ADARB2: variants seen among roughly 807,000 people sequenced by gnomAD.
ADARB2 encodes the protein adenosine deaminase RNA specific B2 (inactive).
In ADARB2, 25 loss-of-function variants were observed where a neutral mutation model predicts 62.2. The ratio of observed to expected loss-of-function variants is 0.40; its 90% CI spans 0.29 to 0.56. The LOEUF (loss-of-function observed/expected upper bound fraction) is 0.56. ADARB2 is among the 20% of genes least tolerant of loss of function. The probability of loss-of-function intolerance (pLI) is 0.43; values close to 1 mark genes in which losing one functional copy is unlikely to be tolerated. For synonymous variants in ADARB2, 572 were observed against 500.8 expected (o/e 1.14, Z -1.90); for missense variants, 1,071 against 1,077.4 (o/e 0.99, Z 0.08).
At chr10:1,306,186 A>C (rs1831626160) in intron 3 of ADARB2, among the ~76,000 whole-genome samples, 1 of 151,194 alleles carries the variant, frequency 6.6e-6, no homozygotes, top group South Asian at 2.1e-4. Flanking sequence ...AAATCTCCTT[A>C]AGCTGATAAG....
intron 1 of ADARB2, among the ~76,000 whole-genome samples, chr10:1,572,841 G>T (rs1264883851): frequency 6.6e-6 from 1 of 152,162 alleles, no homozygotes; most frequent in African/African-American, 2.4e-5. Context: ...GGTGCTTCTG[G>T]GCCCCCAAAT....
intron 1 of ADARB2, among the ~76,000 whole-genome samples, chr10:1,715,400 T>C (rs1178465448): frequency 1.3e-5 from 2 of 152,244 alleles, no homozygotes; most frequent in Non-Finnish European, 2.9e-5. Flanking sequence ...TAAGTGTGTT[T>C]TTAATATTTG....
At chr10:1,613,910 T>G (rs1332328453) in intron 1 of ADARB2, among the ~76,000 whole-genome samples, 1 of 152,234 alleles carries the variant, frequency 6.6e-6, no homozygotes, top group African/African-American at 2.4e-5. Flanking sequence ...TTGATTACTA[T>G]AGAGTACAAA....
intron 1 of ADARB2, among the ~76,000 whole-genome samples, chr10:1,516,298 G>T (rs1465848057): frequency 1.3e-5 from 2 of 152,180 alleles, no homozygotes; most frequent in East Asian, 3.8e-4. Context: ...ATGGAGGCCG[G>T]CAGGTGAGCT....
chr10:1,690,365 C>T (rs952252776), intron 1 of ADARB2, among the ~76,000 whole-genome samples: 4 of 152,096 alleles, frequency 2.6e-5, no homozygotes, highest in South Asian at 4.1e-4. Context: ...TACAAGTTGT[C>T]GTGTGTGGGT....
chr10:1,393,745 G>A (rs541654516), intron 1 of ADARB2, among the ~76,000 whole-genome samples: 1 of 152,354 alleles, frequency 6.6e-6, no homozygotes, highest in South Asian at 2.1e-4. Context: ...AGATTGTTCT[G>A]TGTGCCCTTC....
At chr10:1,363,986 TC>T (rs1372913247) in intron 2 of ADARB2, 69 bp from the exon 3 acceptor site, 104 of 1,396,764 alleles carry the variant, frequency 7.4e-5, no homozygotes, top group Non-Finnish European at 9.1e-5. Flanking sequence ...CAGCAGGCAC[TC>T]CCTGAGGGTC....
intron 1 of ADARB2, among the ~76,000 whole-genome samples, chr10:1,506,240 T>A (rs1225084915): frequency 1.3e-5 from 2 of 152,190 alleles, no homozygotes; most frequent in African/African-American, 4.8e-5. Context: ...TATAAAAGTT[T>A]GAATTTTGTC....
chr10:1,600,256 T>G (rs577821861), intron 1 of ADARB2, among the ~76,000 whole-genome samples: 11 of 152,262 alleles, frequency 7.2e-5, no homozygotes, highest in Middle Eastern at 3.4e-3. Flanking sequence ...TGCTGAGGCC[T>G]GGCTACACTT....
chr10:1,286,511 C>T (rs910373939), intron 3 of ADARB2, among the ~76,000 whole-genome samples: 1 of 152,140 alleles, frequency 6.6e-6, no homozygotes, highest in Non-Finnish European at 1.5e-5. Context: ...TACCTAAAGG[C>T]GGATGGCAAA....
At chr10:1,563,547 G>A (rs1013259887) in intron 1 of ADARB2, among the ~76,000 whole-genome samples, 4 of 152,218 alleles carry the variant, frequency 2.6e-5, no homozygotes, top group Non-Finnish European at 5.9e-5. Context: ...TACTATAATC[G>A]CGCCAGTTTA....
At chr10:1,688,744 A>G (rs77027562) in intron 1 of ADARB2, among the ~76,000 whole-genome samples, 4,276 of 152,242 alleles carry the variant, frequency 0.028, 79 homozygotes, top group East Asian at 0.084. Context: ...TTGAGAGGGG[A>G]ATGGTGACTT....
At chr10:1,495,215 T>C (rs1831670967) in intron 1 of ADARB2, among the ~76,000 whole-genome samples, 1 of 152,322 alleles carries the variant, frequency 6.6e-6, no homozygotes, top group African/African-American at 2.4e-5. Flanking sequence ...GAATATTTCT[T>C]CCATTAAAGC....
At position 1,232,601 on chromosome 10, in the gene ADARB2, GTA is replaced by G. The variant is rs1240781432; in HGVS notation, c.1513+1091_1513+1092del. On this transcript the variant is annotated intron_variant, in intron 6 of 9. Transcript: ENST00000381312. ...GTGTGGTATGCATGTGGTATATGTG[GTA>G]TGTGTTTGTGGTATATGATGTGTGT... Among the ~76,000 whole-genome samples the G allele has an allele frequency of 3.4e-5, 5 of 146,286 alleles. 1 individual carries two copies. Among genetic ancestry groups the G allele is most frequent in the African/African-American group, 1.3e-4 (5 of 39,564 alleles).
In ADARB2 at chr10:1,210,848, G is replaced by A. The variant is rs572949998; in HGVS notation, c.1682+6103C>T. On this transcript the variant is annotated intron_variant, in intron 7 of 9. Coordinates refer to ENST00000381312, the MANE Select transcript of ADARB2 (RefSeq NM_018702.4). ...GGAAGCAGCCCCTTCCCGCGCTGGGGCCTCCCCGTGGTGTAGACGTCTCCT... is the reference window on the plus strand; with the variant it reads ...GGAAGCAGCCCCTTCCCGCGCTGGGACCTCCCCGTGGTGTAGACGTCTCCT... Among the ~76,000 whole-genome samples the A allele has an allele frequency of 1.6e-4, 24 of 152,284 alleles. 1 individual carries two copies. The South Asian group carries it at 4.6e-3, about 29-fold the overall frequency.
Position 1,426,128 on chromosome 10 carries a change from C to A in ADARB2, c.101-46968G>T, listed in dbSNP as rs1214927828. Reference sequence around the variant, plus strand: ...TGATCTATAATGACACAACAAAACTCATATAGAGAAGGGGAATCAAGATCT... The same window carrying A: ...TGATCTATAATGACACAACAAAACTAATATAGAGAAGGGGAATCAAGATCT... On this transcript the variant is annotated intron_variant, in intron 1 of 9. Transcript: ENST00000381312. This position sits in a 1 kb window ranked among gnomAD's most constrained non-coding sequence, Gnocchi z 4.1. Among the ~76,000 whole-genome samples, 1 of 152,142 alleles carries A rather than the reference C, an allele frequency of 6.6e-6. No individual in the cohort carries two copies. Among genetic ancestry groups the A allele is most frequent in the Non-Finnish European group, 1.5e-5 (1 of 68,030 alleles).
Position 1,268,985 on chromosome 10 carries a change from T to C in ADARB2, c.1192+1970A>G, listed in dbSNP as rs141619376. ...TGTTTCCCAGAAAGATGGAAAGATA[T>C]TGAGTTCCAGCGCTGAGAAATGCTA... On this transcript the variant is annotated intron_variant, in intron 4 of 9. Coordinates refer to ENST00000381312, the MANE Select transcript of ADARB2 (RefSeq NM_018702.4). Among the ~76,000 whole-genome samples the C allele has an allele frequency of 2.1e-3, 314 of 152,328 alleles. 2 individuals are homozygous for C. The highest frequency in any genetic ancestry group is 7.2e-3 in the African/African-American group (301 of 41,562).
chr10:1,494,818 C>T (rs765759716), intron 1 of ADARB2, among the ~76,000 whole-genome samples: 2 of 152,188 alleles, frequency 1.3e-5, no homozygotes, highest in Non-Finnish European at 2.9e-5. Flanking sequence ...AAACCTCCCT[C>T]CACAAATGTA....
intron 6 of ADARB2, among the ~76,000 whole-genome samples, chr10:1,228,509 C>G (rs1380178521): frequency 6.6e-6 from 1 of 152,234 alleles, no homozygotes; most frequent in Non-Finnish European, 1.5e-5. Flanking sequence ...CATTGGAACC[C>G]TGACTCTAAC....
Sources: gnomAD v4.1 joint callset for allele counts (sites outside exome capture counted in the v4.1 genomes callset) on GRCh38, gnomAD v4.1.1 for gene constraint, Gnocchi (gnomAD v3.1) non-coding constraint, MANE v1.5 for transcripts, NCBI Gene and HGNC (gene_info 2026-07-23, HGNC 2026-07-21) for gene names.